The following ROBO2 variants were observed in gnomAD, a reference collection of about 807,000 sequenced individuals.
The protein encoded by ROBO2 is roundabout guidance receptor 2.
ROBO2 carries 53 observed loss-of-function variants against 160.8 expected under a neutral mutation model. That is an observed-to-expected ratio of 0.33 (90% CI 0.26 to 0.41). The LOEUF is 0.41. Ranked by LOEUF, ROBO2 falls within the 10% of genes least tolerant of loss-of-function variation. The pLI is 1.00. For synonymous variants in ROBO2, 664 were observed against 611.7 expected (o/e 1.09, Z -1.26); for missense variants, 1,577 against 1,722.4 (o/e 0.92, Z 1.49).
chr3:76,491,335 G>A (rs572118312), intron 2 of ROBO2, among the ~76,000 whole-genome samples: 1 of 152,260 alleles, frequency 6.6e-6, no homozygotes, highest in South Asian at 2.1e-4. Context: ...TCCATGCTCA[G>A]TCTTCCTCTC....
intron 2 of ROBO2, among the ~76,000 whole-genome samples, chr3:76,293,133 A>T (rs1708889752): frequency 6.6e-6 from 1 of 152,234 alleles, no homozygotes; most frequent in Admixed American, 6.5e-5. Flanking sequence ...GCACAGAGGT[A>T]TCAAACTGCA....
At chr3:77,636,123 T>C (rs533972362) in intron 24 of ROBO2, among the ~76,000 whole-genome samples, 1 of 152,102 alleles carries the variant, frequency 6.6e-6, no homozygotes, top group South Asian at 2.1e-4. Flanking sequence ...TATCATCACA[T>C]TGGGGATTAG....
intron 2 of ROBO2, among the ~76,000 whole-genome samples, chr3:77,251,763 AG>A (rs1205291510): frequency 6.6e-6 from 1 of 152,066 alleles, no homozygotes; most frequent in Non-Finnish European, 1.5e-5. Flanking sequence ...TGGTTTTACA[AG>A]GGGTTTCCAC....
At chr3:76,361,441 T>C (rs992725833) in intron 2 of ROBO2, among the ~76,000 whole-genome samples, 3 of 152,114 alleles carry the variant, frequency 2.0e-5, no homozygotes, top group Non-Finnish European at 4.4e-5. Context: ...AATTACCCTA[T>C]AGATGTTGAA....
intron 2 of ROBO2, among the ~76,000 whole-genome samples, chr3:77,210,967 T>G (rs62251849): frequency 0.028 from 4,245 of 152,310 alleles, 69 homozygotes; most frequent in Middle Eastern, 0.054. Flanking sequence ...ATGTGCCACA[T>G]TTTCTTAATC....
intron 2 of ROBO2, among the ~76,000 whole-genome samples, chr3:76,888,360 T>G (rs750929327): frequency 6.6e-5 from 10 of 152,008 alleles, no homozygotes; most frequent in Non-Finnish European, 1.5e-4. Context: ...AGAACCAGTC[T>G]CTGCTCCAAA....
chr3:76,820,706 G>A (rs1428353385), intron 2 of ROBO2, among the ~76,000 whole-genome samples: 1 of 151,910 alleles, frequency 6.6e-6, no homozygotes, highest in Non-Finnish European at 1.5e-5. Context: ...GTTTTTTGAG[G>A]TGGATTGAAG....
chr3:76,060,630 A>C (rs2068041960), intron 2 of ROBO2, among the ~76,000 whole-genome samples: 1 of 152,196 alleles, frequency 6.6e-6, no homozygotes, highest in Non-Finnish European at 1.5e-5. Context: ...GTATAAATAT[A>C]ATCTGACTGC....
chr3:76,873,921 A>C (rs2072417543), intron 2 of ROBO2, among the ~76,000 whole-genome samples: 1 of 152,094 alleles, frequency 6.6e-6, no homozygotes, highest in Admixed American at 6.6e-5. Context: ...GCCTCCTCCT[A>C]ATTTGATTAT....
chr3:77,090,939 C>T (rs1269098957), intron 1 of ROBO2, among the ~76,000 whole-genome samples: 1 of 152,080 alleles, frequency 6.6e-6, no homozygotes, highest in Non-Finnish European at 1.5e-5. Context: ...ATAGTTATGG[C>T]TAGAACATAC....
At chr3:76,045,834 T>C (rs1324492571) in intron 2 of ROBO2, among the ~76,000 whole-genome samples, 1 of 152,076 alleles carries the variant, frequency 6.6e-6, no homozygotes, top group Non-Finnish European at 1.5e-5. Context: ...TCTCTTCCTC[T>C]TCTTTCTTAA....
intron 23 of ROBO2, among the ~76,000 whole-genome samples, chr3:77,622,754 CTT>C (rs1223178489): frequency 6.6e-6 from 1 of 151,998 alleles, no homozygotes; most frequent in Non-Finnish European, 1.5e-5. Flanking sequence ...TAGAAATGAT[CTT>C]TTTTATATAT....
chr3:76,850,943 A>G (rs533920159), intron 2 of ROBO2, among the ~76,000 whole-genome samples: 4 of 152,348 alleles, frequency 2.6e-5, no homozygotes, highest in Non-Finnish European at 4.4e-5. Context: ...TTGTAAAATA[A>G]GAGTTTCATC....
At chr3:77,157,528 C>T (rs1011418368) in intron 2 of ROBO2, among the ~76,000 whole-genome samples, 2 of 152,030 alleles carry the variant, frequency 1.3e-5, no homozygotes, top group African/African-American at 4.8e-5. Context: ...CAGTTCTTTA[C>T]ACATCTTCCT....
intron 2 of ROBO2, among the ~76,000 whole-genome samples, chr3:75,944,021 G>A (rs542088100): frequency 6.6e-6 from 1 of 152,128 alleles, no homozygotes; most frequent in African/African-American, 2.4e-5. Flanking sequence ...TATTCTAGAA[G>A]CTAATAATAG....
At chr3:76,780,158 C>G (rs193033171) in intron 2 of ROBO2, among the ~76,000 whole-genome samples, 1 of 148,668 alleles carries the variant, frequency 6.7e-6, no homozygotes, top group Non-Finnish European at 1.5e-5. Flanking sequence ...TGTTGAGCAC[C>G]TTTACATGTT....
At chr3:76,326,294 C>T (rs373990709) in intron 2 of ROBO2, among the ~76,000 whole-genome samples, 3 of 152,024 alleles carry the variant, frequency 2.0e-5, no homozygotes, top group African/African-American at 7.2e-5. Context: ...TATAACTCCT[C>T]TTTGTAAGAA....
chr3:77,513,312 T>C (rs1228753825), intron 5 of ROBO2, among the ~76,000 whole-genome samples: 1 of 151,864 alleles, frequency 6.6e-6, no homozygotes, highest in Non-Finnish European at 1.5e-5. Flanking sequence ...AGGCTTAATG[T>C]GCATCAGGAA....
intron 6 of ROBO2, among the ~76,000 whole-genome samples, chr3:77,534,983 A>T (rs1475189599): frequency 6.6e-6 from 1 of 152,196 alleles, no homozygotes; most frequent in Non-Finnish European, 1.5e-5. Flanking sequence ...CTATAAAAAG[A>T]TTAAGCAACA....
Sources: allele counts gnomAD v4.1 joint callset (sites outside exome capture counted in the v4.1 genomes callset), GRCh38; gene constraint gnomAD v4.1.1; transcripts MANE v1.5; gene names NCBI Gene and HGNC (gene_info 2026-07-23, HGNC 2026-07-21).